TRDN: variants seen among roughly 807,000 people sequenced by gnomAD.
TRDN encodes the protein triadin in skeletal muscle.
A neutral mutation model predicts 149.7 loss-of-function variants in TRDN; 161 were observed. That is an observed-to-expected ratio of 1.08 (90% CI 0.95 to 1.23). The LOEUF (loss-of-function observed/expected upper bound fraction) is 1.23, where lower values mean the gene tolerates loss of function less well. TRDN is among the 50% of genes most tolerant of loss of function. The pLI is 0.00. For missense variants in TRDN, 896 were observed against 823.5 expected (o/e 1.09, Z -1.08); for synonymous variants, 294 against 250.5 (o/e 1.17, Z -1.64).
intron 24 of TRDN, among the ~76,000 whole-genome samples, chr6:123,286,807 T>G (rs773155919): frequency 1.3e-5 from 2 of 152,048 alleles, no homozygotes; most frequent in Non-Finnish European, 2.9e-5. Context: ...TAGGTTCTAG[T>G]GCAATGGTCC....
At chr6:123,440,824 T>C (rs1232128503) in intron 10 of TRDN, 1 of 152,192 alleles carries the variant, frequency 6.6e-6, no homozygotes, top group East Asian at 1.9e-4. Context: ...TTTTAGACAA[T>C]GCTCTTGTGC....
At chr6:123,431,540 T>C (rs1210881879) in intron 12 of TRDN, among the ~76,000 whole-genome samples, 2 of 152,122 alleles carry the variant, frequency 1.3e-5, no homozygotes, top group African/African-American at 4.8e-5. Context: ...AGAAAAAAGA[T>C]AACTTTCTAA....
intron 10 of TRDN, among the ~76,000 whole-genome samples, chr6:123,451,043 TTG>T (rs1160031094): frequency 1.3e-5 from 2 of 152,020 alleles, no homozygotes; most frequent in Admixed American, 1.3e-4. Context: ...TAAAAATTAT[TTG>T]AACTGAATGA....
chr6:123,319,469 A>T (rs751191107), intron 23 of TRDN, among the ~76,000 whole-genome samples: 1 of 152,000 alleles, frequency 6.6e-6, no homozygotes, highest in Admixed American at 6.6e-5. Flanking sequence ...CTATATATAT[A>T]TTTACATATG....
At chr6:123,500,331 G>T (rs1778645044) in intron 8 of TRDN, among the ~76,000 whole-genome samples, 2 of 152,012 alleles carry the variant, frequency 1.3e-5, no homozygotes, top group Non-Finnish European at 2.9e-5. Flanking sequence ...ACCTGTCCTT[G>T]GCAATGACCT....
At chr6:123,244,398 A>G (rs1032917735) in intron 38 of TRDN, among the ~76,000 whole-genome samples, 3 of 152,220 alleles carry the variant, frequency 2.0e-5, no homozygotes, top group African/African-American at 4.8e-5. Context: ...AGAGAAGAAC[A>G]TAAATGACTG....
intron 24 of TRDN, among the ~76,000 whole-genome samples, chr6:123,298,722 A>G (rs548488994): frequency 4.1e-4 from 62 of 152,240 alleles, no homozygotes; most frequent in Non-Finnish European, 6.6e-4. Context: ...CACTTCTGCT[A>G]ACAATTCATC....
intron 24 of TRDN, among the ~76,000 whole-genome samples, chr6:123,294,258 T>C (rs1338198559): frequency 6.6e-6 from 1 of 152,206 alleles, no homozygotes; most frequent in African/African-American, 2.4e-5. Context: ...ACCAGGGCAC[T>C]GACCCCAGCT....
intron 38 of TRDN, among the ~76,000 whole-genome samples, chr6:123,246,009 G>A (rs1221519252): frequency 6.6e-6 from 1 of 152,104 alleles, no homozygotes; most frequent in East Asian, 1.9e-4. Flanking sequence ...AAGAAATGAA[G>A]GCAGAAATAA....
chr6:123,611,360 C>T (rs545614768), intron 1 of TRDN, among the ~76,000 whole-genome samples: 1 of 152,096 alleles, frequency 6.6e-6, no homozygotes, highest in South Asian at 2.1e-4. Context: ...AACAGTTGCC[C>T]ACACTGTAGT....
chr6:123,606,235 CAT>C (rs1476880756), intron 1 of TRDN, among the ~76,000 whole-genome samples: 3 of 140,178 alleles, frequency 2.1e-5, no homozygotes, highest in Non-Finnish European at 3.1e-5. Context: ...AAGTATCACT[CAT>C]ATTATTTTTA....
chr6:123,347,535 T>C (rs994746122), intron 21 of TRDN, among the ~76,000 whole-genome samples: 1 of 150,598 alleles, frequency 6.6e-6, no homozygotes, highest in Non-Finnish European at 1.5e-5. Context: ...TTAAGTGTAA[T>C]GTAAAGTATC....
intron 9 of TRDN, among the ~76,000 whole-genome samples, chr6:123,481,352 T>C (rs1195569260): frequency 6.8e-6 from 1 of 147,190 alleles, no homozygotes; most frequent in Non-Finnish European, 1.5e-5. Flanking sequence ...ATTTAAATTA[T>C]AAGGGAAACA....
rs753927173 is a variant in TRDN at position 123,352,605 on chromosome 6, GTT to G, written c.1322-21_1322-20del. 3.0e-5 allele frequency: 48 copies of G among 1,604,792 alleles called. No homozygotes were observed. Among genetic ancestry groups the G allele is most frequent in the Non-Finnish European group, 3.4e-5 (40 of 1,175,818 alleles). On this transcript the variant is annotated intron_variant, in intron 20 of 40. Coordinates refer to ENST00000334268, the MANE Select transcript of TRDN (RefSeq NM_006073.4). Reference sequence around the variant, plus strand: ...GGTACAGCTGCAAAACAAAGATAAGGTTTAAAGAAGAGTTCCAGACAGAAATA... The same window carrying G: ...GGTACAGCTGCAAAACAAAGATAAGGTAAAGAAGAGTTCCAGACAGAAATA...
intron 22 of TRDN, among the ~76,000 whole-genome samples, chr6:123,333,733 GGAGA>G (rs1357015202): frequency 9.9e-5 from 15 of 152,070 alleles, no homozygotes; most frequent in African/African-American, 3.6e-4. Flanking sequence ...GCATTAGGAA[GGAGA>G]GATACATCAG....
At chr6:123,458,042 A>T (rs540439439) in intron 10 of TRDN, among the ~76,000 whole-genome samples, 1 of 152,344 alleles carries the variant, frequency 6.6e-6, no homozygotes, top group East Asian at 1.9e-4. Context: ...TTTAGTTCAA[A>T]CTCATGACTA....
At chr6:123,428,384 GAGGATA>G (rs1774209242) in intron 12 of TRDN, among the ~76,000 whole-genome samples, 1 of 152,128 alleles carries the variant, frequency 6.6e-6, no homozygotes, top group Admixed American at 6.5e-5. Flanking sequence ...ATGAACAAGA[GAGGATA>G]TAGGGCAGCA....
intron 23 of TRDN, among the ~76,000 whole-genome samples, chr6:123,320,041 T>A (rs1000356180): frequency 6.6e-6 from 1 of 152,094 alleles, no homozygotes; most frequent in African/African-American, 2.4e-5. Context: ...AATAAATTTA[T>A]TCAATATATA....
chr6:123,539,500 A>G (rs1216103645), intron 4 of TRDN, among the ~76,000 whole-genome samples: 1 of 152,236 alleles, frequency 6.6e-6, no homozygotes, highest in East Asian at 1.9e-4. Context: ...TTTGTTTTAC[A>G]GGTGTGAGAA....
Sources: gnomAD v4.1 joint callset for allele counts (sites outside exome capture counted in the v4.1 genomes callset) on GRCh38, gnomAD v4.1.1 for gene constraint, MANE v1.5 for transcripts, NCBI Gene and HGNC (gene_info 2026-07-23, HGNC 2026-07-21) for gene names.